CNTNAP4: variants seen among roughly 807,000 people sequenced by gnomAD.
CNTNAP4 encodes contactin associated protein family member 4, also known as contactin-associated protein-like 4.
In CNTNAP4, 98 loss-of-function variants were observed where a neutral mutation model predicts 148.4. The observed-to-expected ratio is 0.66, with a 90% CI of 0.56 to 0.78. The LOEUF is 0.78. Ranked by LOEUF, CNTNAP4 falls within the 30% of genes least tolerant of loss-of-function variation. CNTNAP4 has a pLI of 0.00. For missense variants in CNTNAP4, 1,935 were observed against 1,565.6 expected (o/e 1.24, Z -3.98); for synonymous variants, 730 against 565.1 (o/e 1.29, Z -4.14).
At chr16:76,549,827 AT>A (rs2084890382) in intron 21 of CNTNAP4, among the ~76,000 whole-genome samples, 1 of 152,216 alleles carries the variant, frequency 6.6e-6, no homozygotes. Context: ...TAGAGAATAT[AT>A]AGAGGAGACC....
chr16:76,299,079 T>G (rs1163295963), intron 1 of CNTNAP4, among the ~76,000 whole-genome samples: 1 of 152,158 alleles, frequency 6.6e-6, no homozygotes, highest in African/African-American at 2.4e-5. Context: ...ATTCAGGACA[T>G]AGGCATGGGC....
chr16:76,460,518 T>C (rs1209583805), intron 8 of CNTNAP4, among the ~76,000 whole-genome samples: 1 of 147,844 alleles, frequency 6.8e-6, no homozygotes, highest in Non-Finnish European at 1.5e-5. Context: ...TCCCAGCACT[T>C]TGGGAAGCCG....
At chr16:76,476,173 A>G (rs1044367210) in intron 11 of CNTNAP4, 128 bp downstream of exon 11, 1 of 600,830 alleles carries the variant, frequency 1.7e-6, no homozygotes, top group Non-Finnish European at 2.9e-6. Context: ...TCCACATCTC[A>G]TTTCATAAAG....
chr16:76,340,823 CT>C (rs1964409421), intron 2 of CNTNAP4, among the ~76,000 whole-genome samples: 1 of 152,154 alleles, frequency 6.6e-6, no homozygotes, highest in African/African-American at 2.4e-5. Context: ...TTTCTCTCTG[CT>C]AAAATTTGAT....
At chr16:76,448,667 A>T (rs2080340572) in intron 5 of CNTNAP4, 100 bp from the exon 6 acceptor site, 1 of 813,112 alleles carries the variant, frequency 1.2e-6, no homozygotes, top group Non-Finnish European at 1.9e-6. Flanking sequence ...GTAGAAGGAG[A>T]TTGCAATTAT....
rs527758981 is a variant in CNTNAP4 at position 76,436,947 on chromosome 16, C to G, written c.538+9348C>G. Among the ~76,000 whole-genome samples, 4 of 112,990 alleles carry G rather than the reference C, an allele frequency of 3.5e-5. No individual in the cohort carries two copies. In the Admixed American group the frequency reaches 3.7e-4, roughly 10 times the overall value. The allele number at this position is 112,990 out of a possible 152,430, so 74.1% of individuals were successfully genotyped here. A position where few individuals can be genotyped will look rare whatever the true frequency, so the allele number is the denominator to read the frequency against. On this transcript the variant is annotated intron_variant, in intron 4 of 23. Transcript: ENST00000611870. ...AAAATCTGTATTAGTCAGTATTAAT[C>G]TGACTAATACAGAATATCTATCTAT...
chr16:76,442,445 A>G (rs1252991945), intron 4 of CNTNAP4, among the ~76,000 whole-genome samples: 1 of 152,130 alleles, frequency 6.6e-6, no homozygotes, highest in East Asian at 1.9e-4. Flanking sequence ...GCTATAACAG[A>G]ATATCTGAGG....
At chr16:76,361,728 A>T (rs573591964) in intron 3 of CNTNAP4, among the ~76,000 whole-genome samples, 35 of 152,270 alleles carry the variant, frequency 2.3e-4, no homozygotes, top group African/African-American at 8.2e-4. Context: ...TTTTGAGGAA[A>T]TTCCATACTG....
chr16:76,304,396 A>G (rs1198480621), intron 1 of CNTNAP4, among the ~76,000 whole-genome samples: 1 of 152,146 alleles, frequency 6.6e-6, no homozygotes, highest in Non-Finnish European at 1.5e-5. Flanking sequence ...AAGTGCCATA[A>G]TAGAAGCCTG....
chr16:76,461,929 G>A, intron 8 of CNTNAP4, 27 bp from the exon 9 acceptor site: 7 of 1,609,316 alleles, frequency 4.3e-6, no homozygotes, highest in South Asian at 2.2e-5. Flanking sequence ...TATTGAGAGC[G>A]ATCTCTAACT....
chr16:76,426,548 C>G (rs548783430), intron 3 of CNTNAP4, among the ~76,000 whole-genome samples: 1 of 152,284 alleles, frequency 6.6e-6, no homozygotes, highest in Non-Finnish European at 1.5e-5. Flanking sequence ...CACCTGTAGT[C>G]TTAACAGTGT....
At chr16:76,442,998 G>C in intron 4 of CNTNAP4, among the ~76,000 whole-genome samples, 1 of 152,058 alleles carries the variant, frequency 6.6e-6, no homozygotes, top group East Asian at 1.9e-4. Flanking sequence ...AAAAAGCGGG[G>C]AATTTGTCAG....
intron 3 of CNTNAP4, among the ~76,000 whole-genome samples, chr16:76,374,481 A>G (rs1212374910): frequency 6.6e-6 from 1 of 152,114 alleles, no homozygotes; most frequent in Non-Finnish European, 1.5e-5. Context: ...AATTAATTAA[A>G]CTCACAGGGA....
chr16:76,517,833 A>G (rs991724277), intron 15 of CNTNAP4, among the ~76,000 whole-genome samples: 1 of 152,088 alleles, frequency 6.6e-6, no homozygotes, highest in African/African-American at 2.4e-5. Context: ...CGATCGCTCC[A>G]TCTCCCTAAC....
intron 8 of CNTNAP4, among the ~76,000 whole-genome samples, chr16:76,460,793 T>TATATATATATATATACAC (rs1292198875): frequency 9.0e-6 from 1 of 110,516 alleles, no homozygotes; most frequent in African/African-American, 3.7e-5. Context: ...TATATATATA[T>TATATATATATATATACAC]ATTTAGAATT....
intron 17 of CNTNAP4, among the ~76,000 whole-genome samples, chr16:76,534,878 A>G (rs1248361331): frequency 6.6e-6 from 1 of 152,220 alleles, no homozygotes; most frequent in African/African-American, 2.4e-5. Context: ...ACATATGGTT[A>G]TGTATTCAAT....
At position 76,508,910 on chromosome 16, in the gene CNTNAP4, G is replaced by T. The variant is rs1404489440; in HGVS notation, c.2365+10216G>T. Among the ~76,000 whole-genome samples the T allele has an allele frequency of 2.1e-5, 2 of 93,970 alleles. 1 individual carries two copies. Among genetic ancestry groups the T allele is most frequent in the Non-Finnish European group, 6.0e-5 (2 of 33,204 alleles). The allele number at this position is 93,970 out of a possible 152,430, so 61.6% of individuals were successfully genotyped here. A position where few individuals can be genotyped will look rare whatever the true frequency, so the allele number is the denominator to read the frequency against. On this transcript the variant is annotated intron_variant, in intron 15 of 23. Transcript: ENST00000611870. ...TGGGACTACAGGCAACCACCACCAC[G>T]CCTGGCTAATTTTTCTAATTTTAGT... is the stretch of plus-strand genomic sequence containing the variant.
chr16:76,399,775 G>T (rs997304921), intron 3 of CNTNAP4, among the ~76,000 whole-genome samples: 1 of 152,178 alleles, frequency 6.6e-6, no homozygotes. Context: ...TGCATCTTTT[G>T]TTATGCTTAA....
chr16:76,351,454 C>T (rs1350460368), intron 2 of CNTNAP4, among the ~76,000 whole-genome samples: 2 of 152,146 alleles, frequency 1.3e-5, no homozygotes, highest in Non-Finnish European at 2.9e-5. Context: ...TACTATTTAG[C>T]ATTTGTCTTA....
Sources: gnomAD v4.1 joint callset for allele counts (sites outside exome capture counted in the v4.1 genomes callset) on GRCh38, gnomAD v4.1.1 for gene constraint, MANE v1.5 for transcripts, NCBI Gene and HGNC (gene_info 2026-07-23, HGNC 2026-07-21) for gene names.